Variants in ADGRG7 observed in about 807,000 individuals in gnomAD.
The protein encoded by ADGRG7 is G-protein coupled receptor 128.
In ADGRG7, 82 loss-of-function variants were observed where a neutral mutation model predicts 88.6. The observed-to-expected ratio is 0.93, with a 90% CI of 0.77 to 1.11. The LOEUF is 1.11. ADGRG7 is among the 50% of genes most tolerant of loss of function. ADGRG7 has a pLI of 0.00. For synonymous variants in ADGRG7, 381 were observed against 345.2 expected (o/e 1.10, Z -1.15); for missense variants, 945 against 953.4 (o/e 0.99, Z 0.12).
intron 15 of ADGRG7, among the ~76,000 whole-genome samples, chr3:100,675,525 C>A (rs540550950): frequency 6.6e-6 from 1 of 152,056 alleles, no homozygotes; most frequent in Non-Finnish European, 1.5e-5. Flanking sequence ...TTTGCATCAA[C>A]GTTCATCAGA....
At chr3:100,663,114 G>C (rs562941911) in intron 14 of ADGRG7, among the ~76,000 whole-genome samples, 2 of 152,056 alleles carry the variant, frequency 1.3e-5, no homozygotes, top group South Asian at 4.1e-4. Flanking sequence ...ACAGCTCTTA[G>C]CTCCTGTTAA....
intron 15 of ADGRG7, among the ~76,000 whole-genome samples, chr3:100,682,296 G>T (rs902640601): frequency 2.0e-5 from 3 of 152,192 alleles, no homozygotes; most frequent in African/African-American, 7.2e-5. Flanking sequence ...TGGGTCTGGG[G>T]CGGTGCCACA....
chr3:100,682,208 C>T (rs753351004), intron 15 of ADGRG7, among the ~76,000 whole-genome samples: 1 of 152,094 alleles, frequency 6.6e-6, no homozygotes, highest in Non-Finnish European at 1.5e-5. Context: ...CTGATGGGGC[C>T]GGACCCAGCC....
chr3:100,634,133 T>C (rs189668847), intron 4 of ADGRG7, among the ~76,000 whole-genome samples: 4 of 152,368 alleles, frequency 2.6e-5, no homozygotes, highest in African/African-American at 7.2e-5. Context: ...TAGATGTTTT[T>C]TCATGCAGAT....
intron 15 of ADGRG7, among the ~76,000 whole-genome samples, chr3:100,685,699 T>C (rs1280182234): frequency 1.3e-5 from 2 of 152,162 alleles, no homozygotes; most frequent in African/African-American, 2.4e-5. Flanking sequence ...ACAAAGGACA[T>C]GAACTCATCA....
intron 13 of ADGRG7, among the ~76,000 whole-genome samples, chr3:100,659,210 A>G (rs920736554): frequency 6.6e-6 from 1 of 152,024 alleles, no homozygotes; most frequent in Non-Finnish European, 1.5e-5. Context: ...AGGTGGGTGG[A>G]TCACGAGGTC....
chr3:100,658,913 A>G (rs1296113655), intron 13 of ADGRG7, among the ~76,000 whole-genome samples: 1 of 152,218 alleles, frequency 6.6e-6, no homozygotes, highest in Non-Finnish European at 1.5e-5. Context: ...TGTCTAGCAC[A>G]TAATATGTAC....
At chr3:100,638,331 G>A (rs1576319652) in intron 6 of ADGRG7, among the ~76,000 whole-genome samples, 1 of 152,298 alleles carries the variant, frequency 6.6e-6, no homozygotes, top group Middle Eastern at 3.4e-3. Context: ...TGGAAAGTGG[G>A]TGGGAAGGGC....
chr3:100,680,322 C>T (rs540032077), intron 15 of ADGRG7, among the ~76,000 whole-genome samples: 3 of 152,122 alleles, frequency 2.0e-5, no homozygotes, highest in African/African-American at 4.8e-5. Flanking sequence ...ATGTTTTCAT[C>T]CATTTGATCT....
rs143786841 is a variant in ADGRG7 at position 100,643,264 on chromosome 3, A to G, written c.699-2A>G. The G allele has an allele frequency of 5.1e-5, 82 of 1,611,900 alleles. No individual in the cohort carries two copies. Among genetic ancestry groups the G allele is most frequent in the Non-Finnish European group, 6.7e-5 (79 of 1,179,152 alleles). On this transcript the variant is annotated splice_acceptor_variant, in intron 6 of 15. Transcript: ENST00000273352. LOFTEE classifies it high-confidence loss of function. Reference sequence around the variant, plus strand: ...TATTAAATTGTGTTTTATTATATGCAGGCTTATTGAGCAAATGGAGACTTA... The same window carrying G: ...TATTAAATTGTGTTTTATTATATGCGGGCTTATTGAGCAAATGGAGACTTA...
chr3:100,640,967 T>C (rs1447126168), intron 6 of ADGRG7, among the ~76,000 whole-genome samples: 3 of 152,206 alleles, frequency 2.0e-5, no homozygotes, highest in Admixed American at 6.5e-5. Context: ...TACATTTACA[T>C]TTCGCTTTTC....
intron 1 of ADGRG7, among the ~76,000 whole-genome samples, chr3:100,626,782 C>T (rs1559671915): frequency 6.6e-6 from 1 of 151,170 alleles, no homozygotes; most frequent in Non-Finnish European, 1.5e-5. Context: ...AAGACTCCGT[C>T]AAAAGAAAAA....
rs746550125 is a variant in ADGRG7, at chr3:100,637,298, G to T, written c.598-4G>T. ...TCTGATGATCAGTATCTTCTCTTTGGCAGGCAAAGAAAGTTGCCATAGTAA... is the reference window on the plus strand; with the variant it reads ...TCTGATGATCAGTATCTTCTCTTTGTCAGGCAAAGAAAGTTGCCATAGTAA... On this transcript the variant is annotated splice_polypyrimidine_tract_variant and splice_region_variant and intron_variant, in intron 5 of 15. Coordinates refer to ENST00000273352, the MANE Select transcript of ADGRG7 (RefSeq NM_032787.3). 1.9e-6 allele frequency: 3 copies of T among 1,594,504 alleles called. No individual in the cohort carries two copies. In the South Asian group the frequency reaches 3.3e-5, roughly 18 times the overall value.
At chr3:100,689,284 A>G (rs1224908624) in intron 15 of ADGRG7, among the ~76,000 whole-genome samples, 2 of 152,042 alleles carry the variant, frequency 1.3e-5, no homozygotes, top group Non-Finnish European at 2.9e-5. Context: ...TGCACGTGAG[A>G]TGTGTTTCCT....
chr3:100,620,024 T>C (rs186933338), intron 1 of ADGRG7, among the ~76,000 whole-genome samples: 2,375 of 152,176 alleles, frequency 0.016, 31 homozygotes, highest in South Asian at 0.032. Context: ...TTCCAATCAA[T>C]AGAAAAAGAG....
rs145847136 is a variant in ADGRG7 at position 100,685,176 on chromosome 3, A to T, written c.2137-9568A>T. On this transcript the variant is annotated intron_variant, in intron 15 of 15. Transcript: ENST00000273352. Reference sequence around the variant, plus strand: ...AGTAAATATTTAGTGGATAGTTGGTAAACATTAATGAGGACTTTTCTAGCT... The same window carrying T: ...AGTAAATATTTAGTGGATAGTTGGTTAACATTAATGAGGACTTTTCTAGCT... Among the ~76,000 whole-genome samples the T allele has an allele frequency of 3.6e-4, 55 of 152,268 alleles. No individual in the cohort carries two copies. The East Asian group carries it at 7.3e-3, about 20-fold the overall frequency.
At chr3:100,662,105 G>A (rs2094946301) in intron 14 of ADGRG7, among the ~76,000 whole-genome samples, 1 of 152,108 alleles carries the variant, frequency 6.6e-6, no homozygotes, top group Non-Finnish European at 1.5e-5. Context: ...CATTGCTCAG[G>A]TTTTAAAAGT....
chr3:100,687,193 A>T (rs560890433), intron 15 of ADGRG7, among the ~76,000 whole-genome samples: 1 of 152,218 alleles, frequency 6.6e-6, no homozygotes, highest in East Asian at 1.9e-4. Flanking sequence ...TTAATGGTGT[A>T]TAAGAATGCT....
At chr3:100,657,295 A>G (rs557151530) in intron 13 of ADGRG7, among the ~76,000 whole-genome samples, 11 of 152,104 alleles carry the variant, frequency 7.2e-5, no homozygotes, top group African/African-American at 2.7e-4. Context: ...ATATATTGAA[A>G]CTCAGGAGGG....
Sources: gnomAD v4.1 joint callset for allele counts (sites outside exome capture counted in the v4.1 genomes callset) on GRCh38, gnomAD v4.1.1 for gene constraint, MANE v1.5 for transcripts, NCBI Gene and HGNC (gene_info 2026-07-23, HGNC 2026-07-21) for gene names.